The following SPATA6 variants were observed in gnomAD, a reference collection of about 807,000 sequenced individuals.
The protein encoded by SPATA6 is spermatogenesis associated 6, also known as spermatogenesis-associated protein 6.
Under a neutral mutation model 65.3 loss-of-function variants are expected in SPATA6, and 56 were observed. The ratio of observed to expected loss-of-function variants is 0.86; its 90% CI spans 0.69 to 1.07. SPATA6 has a LOEUF of 1.07. SPATA6 is among the 50% of genes least tolerant of loss of function. SPATA6 has a pLI of 0.00. For missense variants in SPATA6, 590 were observed against 594.8 expected, an observed-to-expected ratio of 0.99 and a Z score of 0.08; for synonymous variants, 199 against 213.2, an observed-to-expected ratio of 0.93 and a Z score of 0.58.
intron 3 of SPATA6, among the ~76,000 whole-genome samples, chr1:48,433,552 C>G (rs144010152): frequency 1.0e-3 from 156 of 152,098 alleles, no homozygotes; most frequent in African/African-American, 3.7e-3. Context: ...CTATGATACT[C>G]CAGAAATATT....
intron 11 of SPATA6, among the ~76,000 whole-genome samples, chr1:48,321,694 T>C (rs1173841549): frequency 6.6e-6 from 1 of 152,138 alleles, no homozygotes; most frequent in Non-Finnish European, 1.5e-5. Context: ...ACAGAACAGT[T>C]CATCTAAGGG....
intron 3 of SPATA6, among the ~76,000 whole-genome samples, chr1:48,416,672 G>A (rs1324525452): frequency 6.6e-6 from 1 of 152,058 alleles, no homozygotes; most frequent in African/African-American, 2.4e-5. Flanking sequence ...TTATTTATGA[G>A]CCCTGCAAAA....
intron 9 of SPATA6, among the ~76,000 whole-genome samples, chr1:48,380,715 T>C (rs1648462905): frequency 6.6e-6 from 1 of 152,224 alleles, no homozygotes; most frequent in Non-Finnish European, 1.5e-5. Flanking sequence ...GTCCTTGCCA[T>C]ACTGTGTACA....
intron 7 of SPATA6, among the ~76,000 whole-genome samples, chr1:48,396,160 T>G (rs528402393): frequency 6.6e-6 from 1 of 151,934 alleles, no homozygotes; most frequent in East Asian, 1.9e-4. Context: ...AGTGAGATAC[T>G]ACTTCACTGT....
At chr1:48,440,919 C>T (rs761654883) in intron 3 of SPATA6, among the ~76,000 whole-genome samples, 1 of 152,184 alleles carries the variant, frequency 6.6e-6, no homozygotes, top group Non-Finnish European at 1.5e-5. Context: ...AGAGATCAGA[C>T]AAAGGCCACA....
intron 11 of SPATA6, among the ~76,000 whole-genome samples, chr1:48,345,383 A>C (rs1367878480): frequency 6.6e-6 from 1 of 152,080 alleles, no homozygotes; most frequent in Non-Finnish European, 1.5e-5. Context: ...GCCCACATCA[A>C]AAAGTTAGAA....
At chr1:48,436,051 C>G (rs1654908410) in intron 3 of SPATA6, 2 of 1,609,312 alleles carry the variant, frequency 1.2e-6, no homozygotes. Flanking sequence ...CAGTATCCAT[C>G]AATACTTGGT....
At chr1:48,428,284 G>A (rs1202070006) in intron 3 of SPATA6, among the ~76,000 whole-genome samples, 4 of 152,040 alleles carry the variant, frequency 2.6e-5, no homozygotes, top group African/African-American at 9.7e-5. Context: ...GAGAAACCCC[G>A]TCTCTACCAA....
rs1237124090 is a variant in SPATA6, at chr1:48,359,702, T to C, written c.978A>G (p.Pro326=). The change falls in exon 10 of 13, where the codon CCA becomes CCG. Residue 326 remains proline (P), a synonymous_variant. Transcript: ENST00000371847. ...SLEKCEEYLS[P]RSCSKPRHSA... ...AATGCCGGGGCTTACTACACGACCTTGGGCTCAAATACTCTTCACATTTTT... is the reference window on the plus strand; with the variant it reads ...AATGCCGGGGCTTACTACACGACCTCGGGCTCAAATACTCTTCACATTTTT... The C allele has an allele frequency of 6.2e-7, 1 of 1,613,770 alleles. No homozygotes were observed. Among genetic ancestry groups the C allele is most frequent in the Non-Finnish European group, 8.5e-7 (1 of 1,179,840 alleles).
At chr1:48,395,429 A>C in intron 7 of SPATA6, 75 bp from the exon 8 acceptor site, 2 of 1,017,898 alleles carry the variant, frequency 2.0e-6, no homozygotes, top group Admixed American at 6.8e-5. Flanking sequence ...TACCAGAAAA[A>C]CTACTAGAGT....
chr1:48,388,290 G>C (rs1318889905), intron 8 of SPATA6, among the ~76,000 whole-genome samples: 2 of 150,442 alleles, frequency 1.3e-5, no homozygotes, highest in Non-Finnish European at 3.0e-5. Flanking sequence ...CCAGAAAAAG[G>C]CCAAAGTGCC....
At chr1:48,350,503 A>C (rs1646487032) in intron 11 of SPATA6, among the ~76,000 whole-genome samples, 1 of 151,710 alleles carries the variant, frequency 6.6e-6, no homozygotes, top group African/African-American at 2.4e-5. Context: ...ATTAAATTAC[A>C]CAGATTTTCT....
intron 3 of SPATA6, among the ~76,000 whole-genome samples, chr1:48,446,158 C>A (rs1479508030): frequency 6.6e-6 from 1 of 151,160 alleles, no homozygotes; most frequent in East Asian, 1.9e-4. Flanking sequence ...CTCAGAGTAC[C>A]AACAAAGAAA....
intron 9 of SPATA6, among the ~76,000 whole-genome samples, chr1:48,366,840 T>C (rs550196688): frequency 6.6e-6 from 1 of 152,310 alleles, no homozygotes; most frequent in Non-Finnish European, 1.5e-5. Flanking sequence ...TCTGCTAGCT[T>C]TTGAATGTGT....
chr1:48,304,096 C>T (rs1436534339), intron 12 of SPATA6, among the ~76,000 whole-genome samples: 3 of 152,132 alleles, frequency 2.0e-5, no homozygotes, highest in Non-Finnish European at 4.4e-5. Flanking sequence ...GAAAGCAGAA[C>T]GGGAGGACTT....
chr1:48,314,758 T>G (rs967337579), intron 11 of SPATA6, among the ~76,000 whole-genome samples: 1 of 151,928 alleles, frequency 6.6e-6, no homozygotes, highest in African/African-American at 2.4e-5. Flanking sequence ...CAGGAGCTGG[T>G]TTTTTGAAAA....
chr1:48,272,372 C>T, the SPATA6 span, among the ~76,000 whole-genome samples: 11 of 152,232 alleles, frequency 7.2e-5, no homozygotes, highest in East Asian at 7.7e-4. Flanking sequence ...CCCTGGCAAC[C>T]ACCATCCTAC....
chr1:48,428,067 T>G (rs907895527), intron 3 of SPATA6, among the ~76,000 whole-genome samples: 4 of 152,248 alleles, frequency 2.6e-5, no homozygotes, highest in Non-Finnish European at 5.9e-5. Flanking sequence ...GATTTTATTC[T>G]TTCTTGTAGC....
intron 3 of SPATA6, among the ~76,000 whole-genome samples, chr1:48,416,506 T>C (rs543666876): frequency 3.3e-5 from 5 of 152,320 alleles, no homozygotes; most frequent in African/African-American, 1.2e-4. Context: ...TGTGTATATA[T>C]GTACACACAA....
Sources: gnomAD v4.1 joint callset for allele counts (sites outside exome capture counted in the v4.1 genomes callset) on GRCh38, gnomAD v4.1.1 for gene constraint, MANE v1.5 for transcripts, NCBI Gene and HGNC (gene_info 2026-07-23, HGNC 2026-07-21) for gene names.